ADCY2: variants seen among roughly 807,000 people sequenced by gnomAD.
The protein encoded by ADCY2 is adenylate cyclase 2.
ADCY2 carries 31 observed loss-of-function variants against 125.2 expected under a neutral mutation model. The observed-to-expected ratio is 0.25, with a 90% confidence interval of 0.19 to 0.33. The LOEUF is 0.33. Ranked by LOEUF, ADCY2 falls within the 10% of genes least tolerant of loss-of-function variation. The pLI is 1.00. For missense variants in ADCY2, 904 were observed against 1,418.2 expected (o/e 0.64, Z 5.82); for synonymous variants, 512 against 548.4 (o/e 0.93, Z 0.93).
rs545750847 is a variant in ADCY2 at position 7,532,958 on chromosome 5, A to G, written c.570+12059A>G. 5.3e-5 allele frequency among the ~76,000 whole-genome samples: 8 copies of G among 151,454 alleles called. No homozygotes were observed. In the South Asian group the frequency reaches 1.7e-3, roughly 32 times the overall value. ...TATTCATGAGCTTCTTTAATCTCAA[A>G]TGTTTTTATATACACATTTATATGT... On this transcript the variant is annotated intron_variant, in intron 3 of 24. Transcript: ENST00000338316.
chr5:7,827,950 A>T lies in ADCY2; in HGVS notation c.*1079A>T, dbSNP rs978192099. 6.5e-6 allele frequency: 1 copy of T among 152,784 alleles called. No individual in the cohort carries two copies. The highest frequency in any genetic ancestry group is 2.1e-4 in the South Asian group (1 of 4,836). 9.5% of individuals were successfully genotyped at this position (152,784 alleles called of 1,614,324 possible). On this transcript the variant is annotated 3_prime_UTR_variant, in exon 25 of 25. Transcript: ENST00000338316. Reference sequence around the variant, plus strand: ...ATCAGCTATGCAAATCAGTCTCACAATAGCGTGAGCTAACTGAGAGAAGTA... The same window carrying T: ...ATCAGCTATGCAAATCAGTCTCACATTAGCGTGAGCTAACTGAGAGAAGTA...
chr5:7,493,370 T>A (rs1474704889), intron 2 of ADCY2, among the ~76,000 whole-genome samples: 1 of 152,062 alleles, frequency 6.6e-6, no homozygotes, highest in Non-Finnish European at 1.5e-5. Flanking sequence ...GAGTGCCTGT[T>A]ACTCCTCTAA....
chr5:7,476,058 G>T (rs919303019), intron 2 of ADCY2, among the ~76,000 whole-genome samples: 2 of 152,164 alleles, frequency 1.3e-5, no homozygotes, highest in African/African-American at 4.8e-5. Context: ...AGCATGAAAA[G>T]AAATACCGCG....
rs2126532805 is a variant in ADCY2 at position 7,520,918 on chromosome 5, C to T, written c.570+19C>T. On this transcript the variant is annotated intron_variant, in intron 3 of 24. Transcript: ENST00000338316. ...CTGGCAGGTGGGTGCACCTCCACAT[C>T]CATGGAGAATGACTTTCCACATCCC... is the stretch of plus-strand genomic sequence containing the variant. 11 of 1,613,182 alleles carry T rather than the reference C, an allele frequency of 6.8e-6. No homozygotes were observed. The highest frequency in any genetic ancestry group is 9.3e-6 in the Non-Finnish European group (11 of 1,179,808).
rs544321193 is a variant in ADCY2, at chr5:7,508,367, G to A, written c.409-12371G>A. Among the ~76,000 whole-genome samples the A allele has an allele frequency of 1.4e-3, 210 of 152,170 alleles. 1 individual carries two copies. The highest frequency in any genetic ancestry group is 4.8e-3 in the African/African-American group (201 of 41,512). On this transcript the variant is annotated intron_variant, in intron 2 of 24. Transcript: ENST00000338316. ...TTTATTTCATATTTCACACCCCCTC[G>A]TCTTCAGGTCGGCTGAGTTTGTCTG...
At chr5:7,701,649 C>A (rs1200430496) in intron 7 of ADCY2, among the ~76,000 whole-genome samples, 1 of 152,146 alleles carries the variant, frequency 6.6e-6, no homozygotes, top group Admixed American at 6.6e-5. Context: ...CAGTAACTCC[C>A]AATTACCCCT....
At position 7,510,612 on chromosome 5, in the gene ADCY2, A is replaced by G. The variant is rs138294344; in HGVS notation, c.409-10126A>G. On this transcript the variant is annotated intron_variant, in intron 2 of 24. Transcript: ENST00000338316. ...AGCTCCACAAAATCAAATAGGATGC[A>G]GTGTCATTGTTGTTCCAGGAAATCA... is the stretch of plus-strand genomic sequence containing the variant. Among the ~76,000 whole-genome samples, 389 of 152,304 alleles carry G rather than the reference A, an allele frequency of 2.6e-3. 4 individuals are homozygous for G. The highest frequency in any genetic ancestry group is 9.1e-3 in the African/African-American group (378 of 41,574).
intron 3 of ADCY2, among the ~76,000 whole-genome samples, chr5:7,587,380 G>A (rs1256276906): frequency 6.6e-6 from 1 of 152,162 alleles, no homozygotes; most frequent in Non-Finnish European, 1.5e-5. Context: ...ACTCTGTTGC[G>A]AGATGCTTGA....
Position 7,773,004 on chromosome 5 carries a change from A to T in ADCY2, c.2287A>T (p.Met763Leu). ...CCTGCGGGTAAACTATGAGCTGAAG[A>T]TGTTGATCATGATGGTGGCCTTGGT... ...VFLRVNYELK[M>L]LIMMVALVGY... The change falls in exon 18 of 25, where the codon ATG (methionine) becomes TTG (leucine). Residue 763 changes from methionine to leucine, a missense_variant. Physicochemically the swap from Met to Leu is conservative, Grantham distance 15. Coordinates refer to ENST00000338316, the MANE Select transcript of ADCY2 (RefSeq NM_020546.3). 6.2e-7 allele frequency: 1 copy of T among 1,614,156 alleles called. No individual in the cohort carries two copies. The highest frequency in any genetic ancestry group is 8.5e-7 in the Non-Finnish European group (1 of 1,180,030).
At chr5:7,403,245 A>G (rs184677808) in intron 1 of ADCY2, among the ~76,000 whole-genome samples, 3 of 152,312 alleles carry the variant, frequency 2.0e-5, no homozygotes, top group Admixed American at 2.0e-4. Context: ...AAAGAAATAA[A>G]ATTGTAGACT....
chr5:7,465,100 C>G (rs573216255), intron 2 of ADCY2, among the ~76,000 whole-genome samples: 27 of 152,162 alleles, frequency 1.8e-4, no homozygotes, highest in Non-Finnish European at 3.2e-4. Context: ...GGAACCACCC[C>G]CATGATTCAG....
At chr5:7,464,133 T>TTG (rs1312221717) in intron 2 of ADCY2, among the ~76,000 whole-genome samples, 1 of 152,202 alleles carries the variant, frequency 6.6e-6, no homozygotes, top group Non-Finnish European at 1.5e-5. Context: ...CCTGTATATT[T>TTG]TGTGTGTGTG....
At chr5:7,463,686 TATA>T (rs1742005548) in intron 2 of ADCY2, among the ~76,000 whole-genome samples, 1 of 151,564 alleles carries the variant, frequency 6.6e-6, no homozygotes, top group Admixed American at 6.6e-5. Flanking sequence ...TAAATGTCTC[TATA>T]ATAACATAGT....
At chr5:7,693,441 C>T (rs1309420031) in intron 5 of ADCY2, among the ~76,000 whole-genome samples, 6 of 69,692 alleles carry the variant, frequency 8.6e-5, no homozygotes, top group East Asian at 2.4e-4. Context: ...TTTTTTGAGA[C>T]GGAGTCTCAC....
intron 1 of ADCY2, among the ~76,000 whole-genome samples, chr5:7,405,712 A>G (rs1293754521): frequency 6.6e-6 from 1 of 152,234 alleles, no homozygotes; most frequent in East Asian, 1.9e-4. Flanking sequence ...GGAGAGAATT[A>G]CACATGGGCA....
intron 4 of ADCY2, among the ~76,000 whole-genome samples, chr5:7,674,983 G>A (rs1404122576): frequency 2.6e-5 from 4 of 151,976 alleles, no homozygotes; most frequent in Non-Finnish European, 5.9e-5. Flanking sequence ...GTGAAACTCC[G>A]TCTCTACTAA....
rs116066808 is a variant in ADCY2 at position 7,398,803 on chromosome 5, C to T, written c.210+2297C>T. Among the ~76,000 whole-genome samples the T allele has an allele frequency of 7.9e-3, 1,204 of 152,328 alleles. 11 individuals are homozygous for T. Among genetic ancestry groups the T allele is most frequent in the African/African-American group, 0.027 (1,111 of 41,578 alleles). On this transcript the variant is annotated intron_variant, in intron 1 of 24. Coordinates refer to ENST00000338316, the MANE Select transcript of ADCY2 (RefSeq NM_020546.3). ...AGAAATGTGCCCTGTGTTCTGAAAC[C>T]GGACCTGAGTCGGGACTGGGATGAT...
At chr5:7,706,566 G>T (rs1008926399) in intron 7 of ADCY2, among the ~76,000 whole-genome samples, 178 bp from the exon 8 acceptor site, 4 of 152,230 alleles carry the variant, frequency 2.6e-5, no homozygotes, top group African/African-American at 7.2e-5. Flanking sequence ...CTAATCTGGA[G>T]TGACTGGAAG....
intron 2 of ADCY2, among the ~76,000 whole-genome samples, chr5:7,447,961 G>A (rs1741333157): frequency 6.6e-6 from 1 of 152,218 alleles, no homozygotes; most frequent in Admixed American, 6.5e-5. Flanking sequence ...GGGGGCAGCT[G>A]CAGAGCTTGG....
Sources: allele counts gnomAD v4.1 joint callset (sites outside exome capture counted in the v4.1 genomes callset), GRCh38; gene constraint gnomAD v4.1.1; transcripts MANE v1.5; gene names NCBI Gene and HGNC (gene_info 2026-07-23, HGNC 2026-07-21).